Variants in FNDC3A observed in about 807,000 individuals in gnomAD.
FNDC3A encodes the protein fibronectin type III domain containing 3A, also known as fibronectin type-III domain-containing protein 3A.
FNDC3A carries 32 observed loss-of-function variants against 148.9 expected under a neutral mutation model. That is an observed-to-expected ratio of 0.21 (90% CI 0.16 to 0.29). The LOEUF (loss-of-function observed/expected upper bound fraction) is 0.29, where lower values mean the gene tolerates loss of function less well. Among genes scored for constraint, FNDC3A ranks in the 10% least tolerant of loss-of-function variants. The pLI is 1.00. For synonymous variants in FNDC3A, 472 were observed against 473.6 expected (o/e 1.00, Z 0.04); for missense variants, 1,191 against 1,452.8 (o/e 0.82, Z 2.93).
At chr13:49,096,614 C>T (rs1317006284) in intron 3 of FNDC3A, among the ~76,000 whole-genome samples, 8 of 152,138 alleles carry the variant, frequency 5.3e-5, no homozygotes, top group African/African-American at 1.9e-4. Context: ...ACAGAAAACA[C>T]AGTCACTGAA....
intron 5 of FNDC3A, among the ~76,000 whole-genome samples, chr13:49,135,880 G>T (rs1483818328): frequency 6.6e-6 from 1 of 151,958 alleles, no homozygotes; most frequent in African/African-American, 2.4e-5. Context: ...AGTGATGATT[G>T]CTTTTTTGAG....
In FNDC3A at chr13:49,208,417, T is replaced by C. The variant is rs1886751665; in HGVS notation, c.*1022T>C. ...CATAATCAAACCTAACCTTTTTGTT[T>C]GGGGCACCAAATCTGAAGACAAAAT... On this transcript the variant is annotated 3_prime_UTR_variant, in exon 26 of 26. Transcript: ENST00000492622. The C allele has an allele frequency of 2.0e-5, 3 of 152,654 alleles. No individual in the cohort carries two copies. The highest frequency in any genetic ancestry group is 4.4e-5 in the Non-Finnish European group (3 of 68,028). The allele number at this position is 152,654 out of a possible 1,614,324, so 9.5% of individuals were successfully genotyped here.
intron 2 of FNDC3A, among the ~76,000 whole-genome samples, chr13:49,041,229 A>G (rs936293312): frequency 2.0e-5 from 3 of 152,162 alleles, no homozygotes; most frequent in African/African-American, 7.2e-5. Context: ...GTGTATGTTA[A>G]TTTCTTCTAA....
chr13:49,184,521 C>G (rs1213161556), intron 14 of FNDC3A, among the ~76,000 whole-genome samples: 1 of 152,108 alleles, frequency 6.6e-6, no homozygotes, highest in Non-Finnish European at 1.5e-5. Flanking sequence ...TCAAGGATGT[C>G]TCCTTTTTGT....
Position 49,188,616 on chromosome 13 carries a change from G to T in FNDC3A, c.1927G>T (p.Asp643Tyr), listed in dbSNP as rs770447653. 7 of 1,610,394 alleles carry T rather than the reference G, an allele frequency of 4.3e-6. No homozygotes were observed. The highest frequency in any genetic ancestry group is 5.9e-6 in the Non-Finnish European group (7 of 1,176,632). Residue 643 changes from aspartate to tyrosine, a missense_variant, in exon 17 of 26, where the codon GAT becomes TAT. Asp to Tyr is a radical substitution (Grantham distance 160). This residue lies in a region of FNDC3A where 751 missense variants were observed against 944.0 expected (regional missense o/e 0.80). Transcript: ENST00000492622. ...FYRLRVYCIS[D>Y]GGQSAVSESL... ...TCGTTTACGAGTTTACTGCATCAGT[G>T]ATGGAGGACAGAGTGCGGTAATACT...
At chr13:49,098,119 A>T (rs986586010) in intron 3 of FNDC3A, among the ~76,000 whole-genome samples, 5 of 152,148 alleles carry the variant, frequency 3.3e-5, no homozygotes, top group Admixed American at 3.3e-4. Context: ...CTGTGAGGAA[A>T]CTAACATATA....
chr13:49,207,284 A>G lies in FNDC3A; in HGVS notation c.3486A>G (p.Thr1162=), dbSNP rs751839877. The G allele has an allele frequency of 6.2e-7, 1 of 1,614,224 alleles. No individual in the cohort carries two copies. The highest frequency in any genetic ancestry group is 1.7e-5 in the Admixed American group (1 of 60,026). The change falls in exon 26 of 26, where the codon ACA becomes ACG. Residue 1162 remains threonine, a synonymous_variant. Coordinates refer to ENST00000492622, the MANE Select transcript of FNDC3A (RefSeq NM_001079673.2). ...ASTNRDTVES[T]RTRRALSDEQ... ...CCAACAGAGACACTGTGGAAAGCAC[A>G]AGGACCCGACGGGCACTGAGTGACG...
chr13:49,118,378 T>G (rs996821457), intron 4 of FNDC3A, among the ~76,000 whole-genome samples: 2 of 152,178 alleles, frequency 1.3e-5, no homozygotes, highest in Non-Finnish European at 2.9e-5. Context: ...GAGATTCCCT[T>G]CGGTGCCTAT....
At chr13:49,143,263 CCT>C (rs1205459871) in intron 7 of FNDC3A, among the ~76,000 whole-genome samples, 1 of 152,144 alleles carries the variant, frequency 6.6e-6, no homozygotes, top group African/African-American at 2.4e-5. Flanking sequence ...GTGGCTCACA[CCT>C]CTAATCCCAA....
intron 1 of FNDC3A, among the ~76,000 whole-genome samples, chr13:48,982,481 T>TA (rs1286380050): frequency 6.6e-6 from 1 of 152,172 alleles, no homozygotes; most frequent in Non-Finnish European, 1.5e-5. Flanking sequence ...ATTTTTGTTT[T>TA]AATCACTTGA....
chr13:49,078,750 G>A (rs576636367), intron 3 of FNDC3A, among the ~76,000 whole-genome samples: 8 of 152,288 alleles, frequency 5.3e-5, no homozygotes, highest in Admixed American at 2.6e-4. Flanking sequence ...AAGCCCCTTC[G>A]TGGACTAGCT....
intron 14 of FNDC3A, among the ~76,000 whole-genome samples, chr13:49,182,463 A>G (rs767040177): frequency 3.9e-5 from 6 of 152,072 alleles, no homozygotes; most frequent in Admixed American, 3.3e-4. Flanking sequence ...GGCCAGTCCT[A>G]TAATCCTAGG....
intron 1 of FNDC3A, among the ~76,000 whole-genome samples, chr13:48,999,261 A>T (rs1011198330): frequency 1.3e-5 from 2 of 152,230 alleles, no homozygotes; most frequent in African/African-American, 4.8e-5. Flanking sequence ...ATCAAAGATG[A>T]TGATTCTCAA....
At chr13:49,016,435 G>T (rs1335974191) in intron 2 of FNDC3A, among the ~76,000 whole-genome samples, 2 of 152,084 alleles carry the variant, frequency 1.3e-5, no homozygotes, top group Non-Finnish European at 2.9e-5. Flanking sequence ...TATTTCTGTG[G>T]GATCTGGTGA....
chr13:49,110,201 T>G, intron 3 of FNDC3A: 1 of 472,762 alleles, frequency 2.1e-6, no homozygotes, highest in East Asian at 3.5e-5. Flanking sequence ...AGCGGGAACG[T>G]TTGCTTTTTT....
chr13:48,978,851 A>G (rs2137540568), intron 1 of FNDC3A, among the ~76,000 whole-genome samples: 1 of 152,276 alleles, frequency 6.6e-6, no homozygotes, highest in Non-Finnish European at 1.5e-5. Context: ...ACTTGTTAAA[A>G]CGAAATTAGT....
chr13:49,087,532 A>G lies in FNDC3A; in HGVS notation c.175+12168A>G, dbSNP rs1878893537. On this transcript the variant is annotated intron_variant, in intron 3 of 25. Transcript: ENST00000492622. ...AATAGTAGATAAGAGCTAGGAAATGAGGCTAGAGAAGCAAATTGACTTGGA... is the reference window on the plus strand; with the variant it reads ...AATAGTAGATAAGAGCTAGGAAATGGGGCTAGAGAAGCAAATTGACTTGGA... Among the ~76,000 whole-genome samples the G allele has an allele frequency of 2.0e-5, 3 of 152,154 alleles. No individual in the cohort carries two copies. The South Asian group carries it at 6.2e-4, about 31-fold the overall frequency.
intron 8 of FNDC3A, among the ~76,000 whole-genome samples, chr13:49,154,034 A>C (rs1383874159): frequency 9.1e-6 from 1 of 110,266 alleles, no homozygotes; most frequent in African/African-American, 3.5e-5. Flanking sequence ...ACTTTAAAGT[A>C]GTTTTTTCCA....
chr13:49,156,278 CCTT>C (rs1883677655), intron 8 of FNDC3A, among the ~76,000 whole-genome samples: 1 of 147,850 alleles, frequency 6.8e-6, no homozygotes, highest in African/African-American at 2.5e-5. Context: ...TATGTAATGG[CCTT>C]CTTTGTCTCT....
Sources: gnomAD v4.1 joint callset for allele counts (sites outside exome capture counted in the v4.1 genomes callset) on GRCh38, gnomAD v4.1.1 for gene constraint, gnomAD v4.1.1 regional missense constraint, MANE v1.5 for transcripts, NCBI Gene and HGNC (gene_info 2026-07-23, HGNC 2026-07-21) for gene names.